The following PCSK6 variants were observed in gnomAD, a reference collection of about 807,000 sequenced individuals.
PCSK6 encodes paired basic amino acid cleaving enzyme 4.
In PCSK6, 85 loss-of-function variants were observed where a neutral mutation model predicts 123.3. The ratio of observed to expected loss-of-function variants is 0.69; its 90% confidence interval spans 0.58 to 0.83. The LOEUF (loss-of-function observed/expected upper bound fraction) is 0.83, where lower values mean the gene tolerates loss of function less well. Among genes scored for constraint, PCSK6 ranks in the 40% least tolerant of loss-of-function variants. The probability of loss-of-function intolerance (pLI) is 0.00; values close to 1 mark genes in which losing one functional copy is unlikely to be tolerated. For missense variants in PCSK6, 1,191 were observed against 1,282.3 expected, an observed-to-expected ratio of 0.93 and a Z score of 1.09; for synonymous variants, 508 against 516.0, an observed-to-expected ratio of 0.98 and a Z score of 0.21.
At chr15:101,357,864 C>T (rs766039427) in intron 13 of PCSK6, among the ~76,000 whole-genome samples, 4 of 152,274 alleles carry the variant, frequency 2.6e-5, no homozygotes, top group East Asian at 1.9e-4. Context: ...CCTCAATGCC[C>T]GTCCACTGCA....
At chr15:101,369,242 A>G (rs2955968) in intron 12 of PCSK6, among the ~76,000 whole-genome samples, 60,259 of 152,164 alleles carry the variant, frequency 0.4, 13,280 homozygotes, top group African/African-American at 0.58. Flanking sequence ...GGCCCTGTCT[A>G]CCTTGCATTG....
At chr15:101,318,798 A>G (rs1172473878) in intron 18 of PCSK6, among the ~76,000 whole-genome samples, 1 of 152,230 alleles carries the variant, frequency 6.6e-6, no homozygotes, top group Admixed American at 6.5e-5. Flanking sequence ...TCCCTCTTGA[A>G]GTGTTGGCAT....
chr15:101,417,097 A>G (rs73481256), intron 6 of PCSK6, among the ~76,000 whole-genome samples: 2,509 of 152,274 alleles, frequency 0.016, 93 homozygotes, highest in African/African-American at 0.057. Context: ...CTACTATATT[A>G]TATTATATCC....
intron 6 of PCSK6, among the ~76,000 whole-genome samples, chr15:101,414,162 A>G (rs1004663315): frequency 2.6e-5 from 4 of 152,196 alleles, no homozygotes; most frequent in Admixed American, 6.5e-5. Context: ...TTATGAGTGA[A>G]AATTATCTTG....
At chr15:101,389,392 G>T in intron 9 of PCSK6, 72 bp downstream of exon 9, 1 of 1,194,610 alleles carries the variant, frequency 8.4e-7, no homozygotes, top group South Asian at 1.2e-5. Context: ...GGGTGAAAAT[G>T]GCCAATGTCA....
chr15:101,451,156 A>T (rs2057024235), intron 1 of PCSK6, among the ~76,000 whole-genome samples: 1 of 151,952 alleles, frequency 6.6e-6, no homozygotes, highest in Non-Finnish European at 1.5e-5. Flanking sequence ...GCTCGGGTTC[A>T]CTCTGCCAGA....
rs563861296 is a variant in PCSK6, at chr15:101,432,069, C to T, written c.434G>A (p.Arg145Gln). The change falls in exon 3 of 22, where the codon CGA becomes CAA. Residue 145 changes from arginine (R) to glutamine (Q), a missense_variant. Physicochemically the swap from Arg to Gln is conservative, Grantham distance 43. Around this residue, in one of 3 missense-constraint regions of PCSK6, gnomAD observed 357 missense variants for 484.5 expected, o/e 0.74. Coordinates refer to ENST00000611716, the MANE Select transcript of PCSK6 (RefSeq NM_002570.5). Reference sequence around the variant, plus strand: ...ACTTCGCACCTGTCTCTTCACCCTTCGTTTCACTTCCTGTTGCTGGAGCCA... The same window carrying T: ...ACTTCGCACCTGTCTCTTCACCCTTTGTTTCACTTCCTGTTGCTGGAGCCA... ...VKWLQQQEVK[R>Q]RVKRQVRSDP... The T allele has an allele frequency of 7.4e-6, 12 of 1,613,670 alleles. No individual in the cohort carries two copies. The highest frequency in any genetic ancestry group is 2.2e-5 in the East Asian group (1 of 44,878).
intron 11 of PCSK6, among the ~76,000 whole-genome samples, chr15:101,380,864 G>A (rs1293285668): frequency 6.6e-6 from 1 of 152,162 alleles, no homozygotes; most frequent in East Asian, 1.9e-4. Context: ...TCATCACACT[G>A]TTTCTTTTTC....
At chr15:101,417,995 G>C (rs936266527) in intron 6 of PCSK6, among the ~76,000 whole-genome samples, 1 of 151,244 alleles carries the variant, frequency 6.6e-6, no homozygotes, top group Non-Finnish European at 1.5e-5. Flanking sequence ...CATCAATCAA[G>C]GAAAAAAGAG....
At chr15:101,453,574 G>A (rs772843524) in intron 1 of PCSK6, among the ~76,000 whole-genome samples, 12 of 152,150 alleles carry the variant, frequency 7.9e-5, no homozygotes, top group Non-Finnish European at 1.5e-4. Flanking sequence ...GCCAGCATTT[G>A]GATCCGACAT....
intron 1 of PCSK6, among the ~76,000 whole-genome samples, chr15:101,476,555 T>C (rs2057735175): frequency 7.2e-6 from 1 of 139,506 alleles, no homozygotes; most frequent in African/African-American, 2.7e-5. Flanking sequence ...TGTGATTCCA[T>C]TTATATTAAA....
chr15:101,346,850 T>C, intron 13 of PCSK6: 4 of 1,231,718 alleles, frequency 3.2e-6, no homozygotes, highest in Non-Finnish European at 4.0e-6. Context: ...ATACTGTGAT[T>C]CATAAATGTG....
At position 101,322,524 on chromosome 15, in the gene PCSK6, A is replaced by T. The variant is rs1439530403; in HGVS notation, c.2461T>A (p.Phe821Ile). ...CAGGTTTCGAGGGGGTTTTACCTGAATCCTTCTTTACAGACAGTACATTTC... is the reference window on the plus strand; with the variant it reads ...CAGGTTTCGAGGGGGTTTTACCTGATTCCTTCTTTACAGACAGTACATTTC... ...PEKCTVCKEGFSLARGSCIPD... is the reference protein window; with the variant it reads ...PEKCTVCKEGISLARGSCIPD... The change falls in exon 18 of 22, where the codon TTC becomes ATC. Residue 821 changes from phenylalanine to isoleucine, a missense_variant. Phe to Ile is a conservative substitution (Grantham distance 21). Around this residue, in one of 3 missense-constraint regions of PCSK6, gnomAD observed 630 missense variants for 631.4 expected, o/e 1.00. Transcript: ENST00000611716. The T allele has an allele frequency of 6.2e-7, 1 of 1,611,596 alleles. No homozygotes were observed. The highest frequency in any genetic ancestry group is 8.5e-7 in the Non-Finnish European group (1 of 1,177,854).
chr15:101,389,800 C>T (rs144447400), intron 8 of PCSK6, among the ~76,000 whole-genome samples: 435 of 152,304 alleles, frequency 2.9e-3, no homozygotes, highest in African/African-American at 9.6e-3. Context: ...GCTGGGAGCA[C>T]AGACCGTACG....
At chr15:101,464,764 G>A (rs777866671) in intron 1 of PCSK6, among the ~76,000 whole-genome samples, 1 of 152,154 alleles carries the variant, frequency 6.6e-6, no homozygotes, top group African/African-American at 2.4e-5. Flanking sequence ...CCTCACCAAG[G>A]GGTTAGGAAA....
intron 6 of PCSK6, among the ~76,000 whole-genome samples, chr15:101,411,612 A>T (rs890780000): frequency 2.6e-5 from 4 of 152,142 alleles, no homozygotes; most frequent in Non-Finnish European, 5.9e-5. Flanking sequence ...AGCAACATGA[A>T]CAAGAACAGA....
intron 13 of PCSK6, among the ~76,000 whole-genome samples, chr15:101,345,082 T>C (rs2040699752): frequency 6.6e-6 from 1 of 152,226 alleles, no homozygotes; most frequent in Non-Finnish European, 1.5e-5. Context: ...CTGTGTCTCC[T>C]TTCCTTGGGT....
intron 6 of PCSK6, among the ~76,000 whole-genome samples, chr15:101,423,899 C>T (rs567733030): frequency 6.6e-6 from 1 of 152,230 alleles, no homozygotes; most frequent in East Asian, 1.9e-4. Context: ...ACAGGCAAAG[C>T]ACAGATATTT....
intron 1 of PCSK6, among the ~76,000 whole-genome samples, chr15:101,452,943 G>A (rs2057074508): frequency 6.6e-6 from 1 of 152,174 alleles, no homozygotes; most frequent in African/African-American, 2.4e-5. Flanking sequence ...TGGGTCAGTT[G>A]AGCTTTGCCC....
Sources: gnomAD v4.1 joint callset for allele counts (sites outside exome capture counted in the v4.1 genomes callset) on GRCh38, gnomAD v4.1.1 for gene constraint, gnomAD v4.1.1 regional missense constraint, MANE v1.5 for transcripts, NCBI Gene and HGNC (gene_info 2026-07-23, HGNC 2026-07-21) for gene names.